Variants in BSND observed in about 807,000 individuals in gnomAD.
BSND encodes barttin.
BSND carries 13 observed loss-of-function variants against 18.8 expected under a neutral mutation model. The observed-to-expected ratio is 0.69, with a 90% CI of 0.45 to 1.10. BSND has a LOEUF of 1.10. Ranked by LOEUF, BSND falls within the 50% of genes least tolerant of loss-of-function variation. BSND has a pLI of 0.00. For synonymous variants in BSND, 170 were observed against 161.8 expected, an observed-to-expected ratio of 1.05 and a Z score of -0.39; for missense variants, 379 against 416.7, an observed-to-expected ratio of 0.91 and a Z score of 0.79.
At position 54,999,882 on chromosome 1, in the gene BSND, G is replaced by A. The variant is rs117378694; in HGVS notation, c.177+519G>A. 7.9e-4 allele frequency among the ~76,000 whole-genome samples: 121 copies of A among 152,318 alleles called. 2 individuals are homozygous for A. The East Asian group carries it at 0.014, about 17-fold the overall frequency. On this transcript the variant is annotated intron_variant, in intron 1 of 3. Coordinates refer to ENST00000651561, the MANE Select transcript of BSND (RefSeq NM_057176.3). ...GTCTTCTACCTCTGGGTCCCAGAGC[G>A]ACTGAGAGCTCCAGGGTAGGTCAGG...
chr1:54,999,346 TGC>T lies in BSND; in HGVS notation c.161_162del (p.Cys54SerfsTer12). 2 of 1,611,058 alleles carry T rather than the reference TGC, an allele frequency of 1.2e-6. No homozygotes were observed. The highest frequency in any genetic ancestry group is 1.7e-6 in the Non-Finnish European group (2 of 1,177,708). On this transcript the variant is annotated frameshift_variant, in exon 1 of 4. Transcript: ENST00000651561. LOFTEE classifies it high-confidence loss of function. ...GATCGGGGGCATCATCTGGAGCATGTGCCAGTGCTACCCCAAGGTAGGTGGTA... is the reference window on the plus strand; with the variant it reads ...GATCGGGGGCATCATCTGGAGCATGTCAGTGCTACCCCAAGGTAGGTGGTA... ...MVIGGIIWSM[C>X]QCYPKITFVP...
rs1207332846 is a variant in BSND at position 55,008,364 on chromosome 1, C to T, written c.699C>T (p.Cys233=). The change falls in exon 4 of 4, where the codon TGC becomes TGT. Residue 233 remains cysteine (C), a synonymous_variant. Coordinates refer to ENST00000651561, the MANE Select transcript of BSND (RefSeq NM_057176.3). The part of the protein sequence containing the change: ...SPQQEPQGCR[C]PLDRFQDFAL... ...AACAGGAACCTCAGGGCTGCAGGTG[C>T]CCGCTGGACCGCTTCCAAGACTTTG... The T allele has an allele frequency of 1.2e-6, 2 of 1,614,220 alleles. No individual in the cohort carries two copies. The highest frequency in any genetic ancestry group is 8.5e-7 in the Non-Finnish European group (1 of 1,180,044).
At chr1:55,002,408 T>G (rs576958891) in intron 1 of BSND, among the ~76,000 whole-genome samples, 84 of 152,342 alleles carry the variant, frequency 5.5e-4, no homozygotes, top group Non-Finnish European at 3.5e-4. Flanking sequence ...GCAGGGTCTC[T>G]GCCCACGCAT....
intron 2 of BSND, 73 bp downstream of exon 2, chr1:55,005,189 G>A: frequency 7.1e-7 from 1 of 1,417,802 alleles, no homozygotes; most frequent in Non-Finnish European, 9.9e-7. Flanking sequence ...AGGAGAGTGA[G>A]AGGGAGGGCA....
Position 55,008,725 on chromosome 1 carries a change from T to A in BSND, c.*97T>A. ...TCCCTATCTGCAAAATGGGATGATATGGAGGTTCAATGAGATGGTGGCATT... is the reference window on the plus strand; with the variant it reads ...TCCCTATCTGCAAAATGGGATGATAAGGAGGTTCAATGAGATGGTGGCATT... On this transcript the variant is annotated 3_prime_UTR_variant, in exon 4 of 4. Coordinates refer to ENST00000651561, the MANE Select transcript of BSND (RefSeq NM_057176.3). 3 of 1,561,606 alleles carry A rather than the reference T, an allele frequency of 1.9e-6. No homozygotes were observed.
rs771232166 is a variant in BSND at position 55,005,106 on chromosome 1, G to T, written c.262G>T (p.Glu88Ter). 6 of 1,614,138 alleles carry T rather than the reference G, an allele frequency of 3.7e-6. No homozygotes were observed. Among genetic ancestry groups the T allele is most frequent in the Non-Finnish European group, 5.1e-6 (6 of 1,180,026 alleles). The change falls in exon 2 of 4, where the codon GAG becomes TAG. Residue 88 changes from glutamate (E) to a stop codon, truncating the protein, a stop_gained. Transcript: ENST00000651561. LOFTEE classifies it high-confidence loss of function. ...CCTGCTGGAGAATGGGCTTGCTGCCGAGATGAAGAGGTAGGTGCCAGGCCC... is the reference window on the plus strand; with the variant it reads ...CCTGCTGGAGAATGGGCTTGCTGCCTAGATGAAGAGGTAGGTGCCAGGCCC... ...MGLLENGLAA[E>*]MKSPSPQPPY...
rs547981419 is a variant in BSND, at chr1:55,010,115, G to A, written c.*1487G>A. The A allele has an allele frequency of 4.6e-5, 7 of 152,356 alleles. 1 individual carries two copies. In the Middle Eastern group the frequency reaches 0.01, roughly 221 times the overall value. The allele number at this position is 152,356 out of a possible 1,614,324, so 9.4% of individuals were successfully genotyped here. On this transcript the variant is annotated 3_prime_UTR_variant, in exon 4 of 4. Transcript: ENST00000651561. Reference sequence around the variant, plus strand: ...GCCAGATATTGAGCTGTGATCTCTAGGGGTAAAGAGACATGAACTACTGAC... The same window carrying A: ...GCCAGATATTGAGCTGTGATCTCTAAGGGTAAAGAGACATGAACTACTGAC...
chr1:55,002,507 T>G (rs1644366132), intron 1 of BSND, among the ~76,000 whole-genome samples: 2 of 152,206 alleles, frequency 1.3e-5, no homozygotes, highest in South Asian at 4.1e-4. Context: ...TTGCTCAGTG[T>G]TCTGCCTAAA....
rs189034452 is a variant in BSND at position 55,011,730 on chromosome 1, A to G, written c.*3102A>G. On this transcript the variant is annotated 3_prime_UTR_variant, in exon 4 of 4. Coordinates refer to ENST00000651561, the MANE Select transcript of BSND (RefSeq NM_057176.3). ...GTCAGGAGGCGGGGCTCATTCTATG[A>G]CTGGGTGTCTTCTTCAACCTTATCT... 3.9e-5 allele frequency: 6 copies of G among 152,320 alleles called. No individual in the cohort carries two copies. The East Asian group carries it at 1.2e-3, about 29-fold the overall frequency. 9.4% of individuals were successfully genotyped at this position (152,320 alleles called of 1,614,324 possible). A position where few individuals can be genotyped will look rare whatever the true frequency, so the allele number is the denominator to read the frequency against.
rs926026578 is a variant in BSND at position 55,008,597 on chromosome 1, A to G, written c.932A>G (p.Glu311Gly). 1.9e-6 allele frequency: 3 copies of G among 1,614,016 alleles called. No homozygotes were observed. The African/African-American group carries it at 4.0e-5, about 22-fold the overall frequency. Residue 311 changes from glutamate to glycine, a missense_variant, in exon 4 of 4, where the codon GAG becomes GGG. Physicochemically the swap from Glu to Gly is moderately conservative, Grantham distance 98. Coordinates refer to ENST00000651561, the MANE Select transcript of BSND (RefSeq NM_057176.3). ...GCCGGGGACCTCCTCCCGGACAAGG[A>G]GCTGGGTTTTGAGCCTGACACCCAA... ...DGAGDLLPDKELGFEPDTQG is the reference protein window; with the variant it reads ...DGAGDLLPDKGLGFEPDTQG
rs368632305 is a variant in BSND at position 54,999,255 on chromosome 1, G to A, written c.69G>A (p.Thr23=). 118 of 1,614,136 alleles carry A rather than the reference G, an allele frequency of 7.3e-5. No homozygotes were observed. The African/African-American group carries it at 1.1e-3, about 15-fold the overall frequency. ...VLGLFLLALG[T]FLMSHDRPQV... is the part of the protein sequence containing the mutation. ...GGCTTTTCCTGCTGGCCCTCGGTAC[G>A]TTCCTCATGAGCCATGATCGGCCCC... Residue 23 remains threonine, a synonymous_variant, in exon 1 of 4, where the codon ACG becomes ACA. Coordinates refer to ENST00000651561, the MANE Select transcript of BSND (RefSeq NM_057176.3).
rs1644435231 is a variant in BSND at position 55,013,791 on chromosome 1, GC to G, written c.*5167del. 2.0e-5 allele frequency among the ~76,000 whole-genome samples: 3 copies of G among 152,022 alleles called. No individual in the cohort carries two copies. Among genetic ancestry groups the G allele is most frequent in the Admixed American group, 1.3e-4 (2 of 15,266 alleles). On this transcript the variant is annotated 3_prime_UTR_variant, in exon 4 of 4. Transcript: ENST00000651561. ...GGCATTTGAGGCCCTTCATGATCTGGCCCCAACTGCCCCATCCAGCTGAATC... is the reference window on the plus strand; with the variant it reads ...GGCATTTGAGGCCCTTCATGATCTGGCCCAACTGCCCCATCCAGCTGAATC...
At chr1:54,999,688 A>C (rs1644351797) in intron 1 of BSND, among the ~76,000 whole-genome samples, 1 of 152,194 alleles carries the variant, frequency 6.6e-6, no homozygotes, top group Non-Finnish European at 1.5e-5. Flanking sequence ...ACCCCCTGCC[A>C]GGCACTCCTG....
Position 55,008,390 on chromosome 1 carries a change from C to T in BSND, c.725C>T (p.Ala242Val), listed in dbSNP as rs1430646134. 6.2e-7 allele frequency: 1 copy of T among 1,614,232 alleles called. No homozygotes were observed. The highest frequency in any genetic ancestry group is 1.7e-5 in the Admixed American group (1 of 60,034). Residue 242 changes from alanine (A) to valine (V), a missense_variant, in exon 4 of 4, where the codon GCC becomes GTC. Transcript: ENST00000651561. ...RCPLDRFQDFALIDAPTLEDE... is the reference protein window; with the variant it reads ...RCPLDRFQDFVLIDAPTLEDE... ...CCGCTGGACCGCTTCCAAGACTTTG[C>T]CCTGATTGATGCCCCAACGTTGGAG...
rs1049741646 is a variant in BSND, at chr1:55,003,561, A to G, written c.178-1461A>G. On this transcript the variant is annotated intron_variant, in intron 1 of 3. Coordinates refer to ENST00000651561, the MANE Select transcript of BSND (RefSeq NM_057176.3). ...TCAGAATGGAGCTTTCCTAGTGCAG[A>G]CAAGTGTCTTCTACTCACTTTGCTC... Among the ~76,000 whole-genome samples the G allele has an allele frequency of 3.3e-5, 5 of 152,278 alleles. No individual in the cohort carries two copies. In the East Asian group the frequency reaches 9.7e-4, roughly 29 times the overall value.
chr1:55,003,059 G>GGTGAGAATGGTAATGGTGATGATAATA (rs1644369587), intron 1 of BSND, among the ~76,000 whole-genome samples: 1 of 4 alleles, frequency 0.25, no homozygotes, highest in Non-Finnish European at 0.5. Flanking sequence ...TGATGGTGAC[G>GGTGAGAATGGTAATGGTGATGATAATA]GTGATGATGA....
rs12072934 is a variant in BSND, at chr1:55,011,928, G to A, written c.*3300G>A. 1 of 152,376 alleles carries A rather than the reference G, an allele frequency of 6.6e-6. No individual in the cohort carries two copies. Among genetic ancestry groups the A allele is most frequent in the African/African-American group, 2.4e-5 (1 of 41,454 alleles). The allele number at this position is 152,376 out of a possible 1,614,324, so 9.4% of individuals were successfully genotyped here. A position where few individuals can be genotyped will look rare whatever the true frequency, so the allele number is the denominator to read the frequency against. On this transcript the variant is annotated 3_prime_UTR_variant, in exon 4 of 4. Transcript: ENST00000651561. ...GGGAGGCTCTGAAAGGGTCAGGAGG[G>A]GCCTTTTGGGGTGGCAAAGCCTGGG...
chr1:55,001,212 G>A (rs914799855), intron 1 of BSND, among the ~76,000 whole-genome samples: 2 of 131,450 alleles, frequency 1.5e-5, no homozygotes, highest in Admixed American at 7.1e-5. Context: ...GTGTGTGTGT[G>A]TGTGTGTGTG....
chr1:55,006,913 T>G lies in BSND; in HGVS notation c.273-84T>G, dbSNP rs886860656. 5.0e-6 allele frequency: 8 copies of G among 1,599,514 alleles called. No individual in the cohort carries two copies. In the African/African-American group the frequency reaches 8.0e-5, roughly 16 times the overall value. On this transcript the variant is annotated intron_variant, in intron 2 of 3. Transcript: ENST00000651561. ...TCTTGTGAGGTGAGGGGAGACCACA[T>G]ACCCAAAGCAAACAGGGCCGGGGAG...
Sources: allele counts gnomAD v4.1 joint callset (sites outside exome capture counted in the v4.1 genomes callset), GRCh38; gene constraint gnomAD v4.1.1; transcripts MANE v1.5; gene names NCBI Gene and HGNC (gene_info 2026-07-23, HGNC 2026-07-21).